KCNAB1: variants seen among roughly 807,000 people sequenced by gnomAD.
The protein encoded by KCNAB1 is voltage-gated potassium channel subunit beta-1.
KCNAB1 carries 35 observed loss-of-function variants against 64.6 expected under a neutral mutation model. That is an observed-to-expected ratio of 0.54 (90% CI 0.41 to 0.72). The LOEUF is 0.72. Among genes scored for constraint, KCNAB1 ranks in the 30% least tolerant of loss-of-function variants. The pLI is 0.00. For synonymous variants in KCNAB1, 177 were observed against 183.8 expected, an observed-to-expected ratio of 0.96 and a Z score of 0.30; for missense variants, 401 against 512.9, an observed-to-expected ratio of 0.78 and a Z score of 2.11.
At chr3:156,526,323 T>C (rs561025252) in intron 12 of KCNAB1, among the ~76,000 whole-genome samples, 2 of 152,318 alleles carry the variant, frequency 1.3e-5, no homozygotes, top group East Asian at 3.9e-4. Context: ...ATGGGATGCA[T>C]AACTGTATCT....
At chr3:156,129,377 C>T (rs752656726) in intron 1 of KCNAB1, among the ~76,000 whole-genome samples, 1 of 152,200 alleles carries the variant, frequency 6.6e-6, no homozygotes. Context: ...CTTAGCTATA[C>T]AGCTTAGCTT....
chr3:156,371,108 A>T (rs888634220), intron 1 of KCNAB1, among the ~76,000 whole-genome samples: 1 of 152,246 alleles, frequency 6.6e-6, no homozygotes, highest in Non-Finnish European at 1.5e-5. Context: ...CATGGAACAC[A>T]CATTGAGAAG....
At chr3:156,439,217 CATT>C (rs1271339664) in intron 2 of KCNAB1, among the ~76,000 whole-genome samples, 1 of 129,194 alleles carries the variant, frequency 7.7e-6, no homozygotes, top group Non-Finnish European at 1.6e-5. Context: ...TAATTTGCAT[CATT>C]GTGATTTTTT....
intron 2 of KCNAB1, among the ~76,000 whole-genome samples, chr3:156,426,371 G>A (rs1285385116): frequency 6.6e-6 from 1 of 151,988 alleles, no homozygotes; most frequent in Non-Finnish European, 1.5e-5. Flanking sequence ...AAAGCACAAG[G>A]AGTTCCCATA....
At chr3:156,251,372 G>A (rs1717819133) in intron 1 of KCNAB1, among the ~76,000 whole-genome samples, 1 of 152,132 alleles carries the variant, frequency 6.6e-6, no homozygotes, top group Admixed American at 6.5e-5. Context: ...ATATATGAAG[G>A]ATTCAGGGTA....
intron 1 of KCNAB1, among the ~76,000 whole-genome samples, chr3:156,383,898 C>T (rs1416585306): frequency 6.6e-6 from 1 of 152,158 alleles, no homozygotes; most frequent in Non-Finnish European, 1.5e-5. Flanking sequence ...TCCAGGTTTC[C>T]AGACGCTGGC....
Position 156,469,138 on chromosome 3 carries a change from G to GAA in KCNAB1, c.571+3456_571+3457dup, listed in dbSNP as rs576234037. Among the ~76,000 whole-genome samples, 18 of 151,416 alleles carry GAA rather than the reference G, an allele frequency of 1.2e-4. No homozygotes were observed. In the South Asian group the frequency reaches 3.4e-3, roughly 28 times the overall value. The stretch of plus-strand genomic sequence containing the variant: ...TAGCAAAGAAATATAAAATCGAAGA[G>GAA]AAAAAGAATGGAGAAGGTCTGCTAC... On this transcript the variant is annotated intron_variant, in intron 7 of 13. Transcript: ENST00000490337.
chr3:156,468,558 CCT>C (rs1262433788), intron 7 of KCNAB1, among the ~76,000 whole-genome samples: 17 of 152,070 alleles, frequency 1.1e-4, no homozygotes, highest in African/African-American at 3.6e-4. Context: ...ACCTACCTAG[CCT>C]CTGTCTCCTT....
At chr3:156,383,345 T>C (rs886525010) in intron 1 of KCNAB1, among the ~76,000 whole-genome samples, 3 of 152,214 alleles carry the variant, frequency 2.0e-5, no homozygotes, top group African/African-American at 7.2e-5. Context: ...GGTAATCTGC[T>C]TCAGGGGTTT....
intron 1 of KCNAB1, among the ~76,000 whole-genome samples, chr3:156,329,427 C>A (rs1576732279): frequency 6.6e-6 from 1 of 152,118 alleles, no homozygotes. Context: ...CTACTGAACT[C>A]TTCTACATTT....
Position 156,452,936 on chromosome 3 carries a change from G to A in KCNAB1, c.357G>A (p.Glu119=), listed in dbSNP as rs1262565099. 6.2e-7 allele frequency: 1 copy of A among 1,603,008 alleles called. No homozygotes were observed. Among genetic ancestry groups the A allele is most frequent in the South Asian group, 1.1e-5 (1 of 89,776 alleles). ...CATTTGGAGGTCAAATTTCAGATGAGGTAAGTTACCTTTGGCCTCTATTAT... is the reference window on the plus strand; with the variant it reads ...CATTTGGAGGTCAAATTTCAGATGAAGTAAGTTACCTTTGGCCTCTATTAT... ...WVTFGGQISD[E]VAERLMTIAY... Residue 119 remains glutamate (E), a splice_region_variant and synonymous_variant, in exon 3 of 14, where the codon GAG becomes GAA. Coordinates refer to ENST00000490337, the MANE Select transcript of KCNAB1 (RefSeq NM_172160.3). The surrounding 1 kb of genome is among the most constrained non-coding windows in gnomAD (Gnocchi z 4.6).
At chr3:156,535,161 CAT>C (rs1001954254) in intron 13 of KCNAB1, among the ~76,000 whole-genome samples, 1 of 152,166 alleles carries the variant, frequency 6.6e-6, no homozygotes, top group African/African-American at 2.4e-5. Context: ...GACAGTAAAA[CAT>C]TAACCAGAAT....
intron 5 of KCNAB1, among the ~76,000 whole-genome samples, chr3:156,461,882 T>C (rs1323639265): frequency 6.6e-6 from 1 of 152,244 alleles, no homozygotes; most frequent in Non-Finnish European, 1.5e-5. Flanking sequence ...CCCGTGAGAC[T>C]GGTGAAAAGA....
At chr3:156,225,479 A>G (rs1462496059) in intron 1 of KCNAB1, among the ~76,000 whole-genome samples, 4 of 152,222 alleles carry the variant, frequency 2.6e-5, no homozygotes, top group Non-Finnish European at 5.9e-5. Context: ...GAACAGGGAA[A>G]ATTTTAAAGC....
intron 3 of KCNAB1, among the ~76,000 whole-genome samples, chr3:156,454,391 T>C (rs751193014): frequency 2.1e-4 from 32 of 152,152 alleles, no homozygotes; most frequent in Non-Finnish European, 2.9e-4. Context: ...TTATGTCCTT[T>C]TACTGACCAG....
chr3:156,221,653 C>T (rs1315506886), intron 1 of KCNAB1, among the ~76,000 whole-genome samples: 1 of 152,024 alleles, frequency 6.6e-6, no homozygotes, highest in Non-Finnish European at 1.5e-5. Context: ...TGGTGGGCGC[C>T]TGTAATCACA....
Position 156,154,969 on chromosome 3 carries a change from T to C in KCNAB1, c.275+34083T>C, listed in dbSNP as rs74779825. ...TGTTCACCACTTCTTGGGTTCTGGA[T>C]CCTGTATGGGTTAAATATTTTCCCT... On this transcript the variant is annotated intron_variant, in intron 1 of 13. Coordinates refer to ENST00000490337, the MANE Select transcript of KCNAB1 (RefSeq NM_172160.3). Among the ~76,000 whole-genome samples the C allele has an allele frequency of 3.9e-3, 600 of 152,314 alleles. 2 individuals carry two copies. Among genetic ancestry groups the C allele is most frequent in the African/African-American group, 0.014 (566 of 41,566 alleles).
At chr3:156,135,903 G>A (rs1293312150) in intron 1 of KCNAB1, among the ~76,000 whole-genome samples, 1 of 152,202 alleles carries the variant, frequency 6.6e-6, no homozygotes, top group Admixed American at 6.5e-5. Context: ...AAGGAGTGAT[G>A]GAGGTATTTC....
At chr3:156,275,362 T>C (rs1166428610) in intron 1 of KCNAB1, among the ~76,000 whole-genome samples, 1 of 152,050 alleles carries the variant, frequency 6.6e-6, no homozygotes, top group Non-Finnish European at 1.5e-5. Context: ...TAGTGGAGGG[T>C]CTTGCTTTGA....
Sources: allele counts gnomAD v4.1 joint callset (sites outside exome capture counted in the v4.1 genomes callset), GRCh38; gene constraint gnomAD v4.1.1; non-coding constraint Gnocchi (gnomAD v3.1); transcripts MANE v1.5; gene names NCBI Gene and HGNC (gene_info 2026-07-23, HGNC 2026-07-21).